Variants in MKLN1 observed in about 807,000 individuals in gnomAD.
MKLN1 encodes the protein muskelin 1, also known as muskelin.
A neutral mutation model predicts 99.0 loss-of-function variants in MKLN1; 18 were observed. The observed-to-expected ratio is 0.18, with a 90% CI of 0.13 to 0.27. MKLN1 has a LOEUF of 0.27. Among genes scored for constraint, MKLN1 ranks in the 10% least tolerant of loss-of-function variants. MKLN1 has a pLI of 1.00. For missense variants in MKLN1, 621 were observed against 875.9 expected (o/e 0.71, Z 3.67); for synonymous variants, 288 against 293.2 (o/e 0.98, Z 0.18).
intron 3 of MKLN1, among the ~76,000 whole-genome samples, chr7:131,263,025 G>A (rs769902127): frequency 6.6e-5 from 10 of 151,856 alleles, no homozygotes; most frequent in South Asian, 2.1e-4. Flanking sequence ...TGTTCTCTGC[G>A]TTTCTTATAA....
chr7:131,285,797 G>T (rs1798122014), intron 3 of MKLN1, among the ~76,000 whole-genome samples: 1 of 152,092 alleles, frequency 6.6e-6, no homozygotes, highest in Non-Finnish European at 1.5e-5. Context: ...CAGCTTGATT[G>T]TGAGTTTTTT....
intron 3 of MKLN1, among the ~76,000 whole-genome samples, chr7:131,296,574 A>T (rs556338698): frequency 2.0e-3 from 299 of 151,518 alleles, no homozygotes; most frequent in Middle Eastern, 6.8e-3. Context: ...GTCCACTTGT[A>T]TCTGGATTTT....
intron 3 of MKLN1, among the ~76,000 whole-genome samples, chr7:131,287,510 A>G (rs1798150469): frequency 1.3e-5 from 2 of 152,262 alleles, no homozygotes; most frequent in African/African-American, 2.4e-5. Context: ...TTATAAGGAT[A>G]CATGTGATTG....
chr7:131,338,938 A>G (rs993689558), intron 1 of MKLN1, among the ~76,000 whole-genome samples: 3 of 152,250 alleles, frequency 2.0e-5, no homozygotes, highest in African/African-American at 7.2e-5. Context: ...CGTGAAGATG[A>G]CAACAATGAA....
intron 3 of MKLN1, among the ~76,000 whole-genome samples, chr7:131,259,455 A>C (rs1199997292): frequency 1.3e-5 from 2 of 152,152 alleles, no homozygotes; most frequent in Non-Finnish European, 2.9e-5. Context: ...TCTGAGGTAA[A>C]GTAGTATGTG....
At chr7:131,146,887 T>C (rs1305499718) in intron 2 of MKLN1, among the ~76,000 whole-genome samples, 2 of 152,108 alleles carry the variant, frequency 1.3e-5, no homozygotes, top group African/African-American at 2.4e-5. Context: ...GTGCTGTCAG[T>C]GGGGGAGAAG....
chr7:131,161,959 GTGTGTATATATATATATATATA>G (rs1245728284), intron 2 of MKLN1, among the ~76,000 whole-genome samples: 21 of 67,832 alleles, frequency 3.1e-4, no homozygotes, highest in African/African-American at 1.1e-3. Context: ...ACGTGTGTGT[GTGTGTATATATATATATATATA>G]TATATATATA....
intron 3 of MKLN1, among the ~76,000 whole-genome samples, chr7:131,219,197 A>T (rs1022595160): frequency 6.7e-5 from 9 of 134,886 alleles, no homozygotes; most frequent in African/African-American, 2.4e-4. Context: ...GGCAAATTTT[A>T]TATTTTGGGT....
intron 2 of MKLN1, among the ~76,000 whole-genome samples, chr7:131,149,038 G>A (rs919229277): frequency 6.6e-6 from 1 of 152,104 alleles, no homozygotes; most frequent in Non-Finnish European, 1.5e-5. Context: ...CGGATTTCTG[G>A]GGCAGGCGGT....
chr7:131,397,690 A>T (rs1380802914), intron 5 of MKLN1, among the ~76,000 whole-genome samples: 2 of 152,178 alleles, frequency 1.3e-5, no homozygotes, highest in African/African-American at 2.4e-5. Context: ...GAATTCAGGC[A>T]GTTTGGCTCC....
chr7:131,369,522 T>G (rs1800281702), intron 1 of MKLN1, among the ~76,000 whole-genome samples: 1 of 152,220 alleles, frequency 6.6e-6, no homozygotes, highest in Non-Finnish European at 1.5e-5. Context: ...CTTCAGTGAC[T>G]TGCATTCTGC....
At chr7:131,475,766 A>G (rs1302951973) in intron 16 of MKLN1, among the ~76,000 whole-genome samples, 1 of 152,206 alleles carries the variant, frequency 6.6e-6, no homozygotes, top group East Asian at 1.9e-4. Context: ...AGCTGTGATC[A>G]TACCACTGCA....
chr7:131,450,766 G>A (rs969852479), intron 12 of MKLN1, among the ~76,000 whole-genome samples: 6 of 152,042 alleles, frequency 3.9e-5, no homozygotes, highest in South Asian at 2.1e-4. Context: ...GATCGTTGTC[G>A]CCCAAAATTC....
chr7:131,350,671 C>T (rs1799694806), intron 1 of MKLN1, among the ~76,000 whole-genome samples: 1 of 152,180 alleles, frequency 6.6e-6, no homozygotes, highest in Non-Finnish European at 1.5e-5. Context: ...TTCATCAATG[C>T]CAACAAGGGA....
At chr7:131,364,551 C>T (rs1026143259) in intron 1 of MKLN1, among the ~76,000 whole-genome samples, 7 of 151,594 alleles carry the variant, frequency 4.6e-5, no homozygotes. Context: ...GCTTGTTGTA[C>T]AGATTGTTTC....
At chr7:131,241,561 A>G (rs1039508723) in intron 3 of MKLN1, among the ~76,000 whole-genome samples, 1 of 152,172 alleles carries the variant, frequency 6.6e-6, no homozygotes, top group Non-Finnish European at 1.5e-5. Context: ...TTTAAAAAGT[A>G]GCCAGGTGTG....
chr7:131,407,123 T>C (rs1414196148), intron 6 of MKLN1, among the ~76,000 whole-genome samples: 2 of 152,078 alleles, frequency 1.3e-5, no homozygotes, highest in African/African-American at 4.8e-5. Flanking sequence ...TATATTATTT[T>C]TAGTGTCTCT....
chr7:131,215,736 A>G (rs757679210), intron 3 of MKLN1, among the ~76,000 whole-genome samples: 2 of 152,092 alleles, frequency 1.3e-5, no homozygotes, highest in Non-Finnish European at 2.9e-5. Flanking sequence ...CTTTTTCTCT[A>G]CTGTGATGAT....
intron 2 of MKLN1, among the ~76,000 whole-genome samples, chr7:131,174,500 C>T (rs1424408654): frequency 6.6e-6 from 1 of 152,138 alleles, no homozygotes; most frequent in East Asian, 1.9e-4. Context: ...CCTCAGAACC[C>T]GTTTTCTCTT....
Sources: allele counts gnomAD v4.1 joint callset (sites outside exome capture counted in the v4.1 genomes callset), GRCh38; gene constraint gnomAD v4.1.1; transcripts MANE v1.5; gene names NCBI Gene and HGNC (gene_info 2026-07-23, HGNC 2026-07-21).